The following DEPTOR variants were observed in gnomAD, a reference collection of about 807,000 sequenced individuals.
DEPTOR encodes DEP domain containing MTOR interacting protein.
A neutral mutation model predicts 41.6 loss-of-function variants in DEPTOR; 41 were observed. That is an observed-to-expected ratio of 0.98 (90% CI 0.77 to 1.28). The LOEUF is 1.28. DEPTOR is among the 50% of genes most tolerant of loss of function. DEPTOR has a pLI of 0.00. For missense variants in DEPTOR, 514 were observed against 527.9 expected (o/e 0.97, Z 0.26); for synonymous variants, 195 against 192.3 (o/e 1.01, Z -0.12).
chr8:119,956,601 C>G (rs1040446581), intron 3 of DEPTOR, among the ~76,000 whole-genome samples: 1 of 151,640 alleles, frequency 6.6e-6, no homozygotes, highest in Non-Finnish European at 1.5e-5. Flanking sequence ...GTGGTCAGAA[C>G]CAGGGATAAA....
chr8:119,920,082 A>T (rs1008286892), intron 1 of DEPTOR, among the ~76,000 whole-genome samples: 2 of 147,356 alleles, frequency 1.4e-5, no homozygotes, highest in African/African-American at 5.1e-5. Context: ...GTCTGAGATG[A>T]ATAATAGGAA....
chr8:120,049,814 A>C lies in DEPTOR; in HGVS notation c.*110A>C. ...GCAAATGGATGGTTTTGGACATACG[A>C]GTCTTCTCCGCACATACATGTCTAA... is the stretch of plus-strand genomic sequence containing the variant. On this transcript the variant is annotated 3_prime_UTR_variant, in exon 9 of 9. Transcript: ENST00000286234. 7.1e-7 allele frequency: 1 copy of C among 1,413,230 alleles called. No homozygotes were observed. Among genetic ancestry groups the C allele is most frequent in the Non-Finnish European group, 9.6e-7 (1 of 1,038,450 alleles). The allele number at this position is 1,413,230 out of a possible 1,614,324, so 87.5% of individuals were successfully genotyped here.
intron 4 of DEPTOR, among the ~76,000 whole-genome samples, chr8:119,978,153 C>T (rs146502467): frequency 6.6e-6 from 1 of 152,294 alleles, no homozygotes; most frequent in African/African-American, 2.4e-5. Flanking sequence ...GTATGAGGTC[C>T]TCACTTTGCC....
At chr8:120,021,757 A>C (rs904297247) in intron 8 of DEPTOR, among the ~76,000 whole-genome samples, 1 of 152,180 alleles carries the variant, frequency 6.6e-6, no homozygotes, top group African/African-American at 2.4e-5. Context: ...CATGGGGATA[A>C]ATAAAAAAGT....
intron 7 of DEPTOR, among the ~76,000 whole-genome samples, chr8:120,007,556 C>G (rs145841755): frequency 3.6e-4 from 55 of 152,292 alleles, no homozygotes; most frequent in African/African-American, 1.3e-3. Flanking sequence ...ACCCACTCCC[C>G]TTCCTGTGTC....
At chr8:119,906,900 A>G (rs1827670855) in intron 1 of DEPTOR, among the ~76,000 whole-genome samples, 1 of 152,198 alleles carries the variant, frequency 6.6e-6, no homozygotes, top group African/African-American at 2.4e-5. Flanking sequence ...GGCCAATAGT[A>G]TTCCTGTGCA....
chr8:120,009,410 C>G (rs1382845337), intron 8 of DEPTOR, among the ~76,000 whole-genome samples: 2 of 151,904 alleles, frequency 1.3e-5, no homozygotes, highest in Non-Finnish European at 2.9e-5. Context: ...GTCAGGAGTT[C>G]AAGACTAGCC....
At chr8:120,001,492 G>C in intron 4 of DEPTOR, 33 bp from the exon 5 acceptor site, 1 of 1,570,596 alleles carries the variant, frequency 6.4e-7, no homozygotes, top group Non-Finnish European at 8.6e-7. Context: ...ATGCCAGATA[G>C]TCCTCATTGG....
chr8:120,040,201 G>T (rs1217068219), intron 8 of DEPTOR, among the ~76,000 whole-genome samples: 1 of 152,190 alleles, frequency 6.6e-6, no homozygotes, highest in Non-Finnish European at 1.5e-5. Flanking sequence ...GCATGAGGCA[G>T]TTAATGCTCA....
chr8:120,002,776 CAAA>C (rs1173820465), intron 5 of DEPTOR, among the ~76,000 whole-genome samples, 198 bp from the exon 6 acceptor site: 2,160 of 54,422 alleles, frequency 0.04, 171 homozygotes, highest in African/African-American at 0.15. Context: ...GACTCCATCT[CAAA>C]AAAAAAAAAA....
At chr8:120,003,383 G>T (rs193116109) in intron 6 of DEPTOR, among the ~76,000 whole-genome samples, 14 of 152,270 alleles carry the variant, frequency 9.2e-5, no homozygotes, top group Non-Finnish European at 1.2e-4. Flanking sequence ...TTGTGTTGAG[G>T]GGGCTGGGCC....
intron 4 of DEPTOR, among the ~76,000 whole-genome samples, chr8:120,001,202 G>C (rs914086244): frequency 6.6e-6 from 1 of 152,110 alleles, no homozygotes; most frequent in Non-Finnish European, 1.5e-5. Context: ...GAAAGAGAAG[G>C]GGCAGACAGT....
chr8:120,027,167 G>A (rs1002676613), intron 8 of DEPTOR, among the ~76,000 whole-genome samples: 3 of 151,504 alleles, frequency 2.0e-5, no homozygotes, highest in South Asian at 2.1e-4. Flanking sequence ...GCGGTGAGCC[G>A]AGATTGTGCC....
intron 6 of DEPTOR, among the ~76,000 whole-genome samples, chr8:120,004,963 T>C (rs532198001): frequency 3.0e-4 from 45 of 152,264 alleles, no homozygotes; most frequent in Non-Finnish European, 3.2e-4. Flanking sequence ...CAAAAAACAG[T>C]ACTAAAGATA....
Position 119,873,823 on chromosome 8 carries a change from T to A in DEPTOR, c.-24T>A, listed in dbSNP as rs1285820081. 7 of 1,608,494 alleles carry A rather than the reference T, an allele frequency of 4.4e-6. No homozygotes were observed. Among genetic ancestry groups the A allele is most frequent in the Middle Eastern group, 1.7e-4 (1 of 5,734 alleles). ...AACCCTCGGCGGACAGCGGAGCCAG[T>A]GGTAGCCGCACGGCCCTAAAACCAT... is the stretch of plus-strand genomic sequence containing the variant. On this transcript the variant is annotated 5_prime_UTR_variant, in exon 1 of 9. Coordinates refer to ENST00000286234, the MANE Select transcript of DEPTOR (RefSeq NM_022783.4).
At position 120,017,354 on chromosome 8, in the gene DEPTOR, T is replaced by C. The variant is rs190953831; in HGVS notation, c.1101+8221T>C. ...CAGAGTTAGATTCAAATCTGATTTA[T>C]CTCCCCCAACACCCACATGCTTCCT... On this transcript the variant is annotated intron_variant, in intron 8 of 8. Transcript: ENST00000286234. Among the ~76,000 whole-genome samples, 197 of 152,258 alleles carry C rather than the reference T, an allele frequency of 1.3e-3. 2 individuals are homozygous for C. The highest frequency in any genetic ancestry group is 4.3e-3 in the African/African-American group (180 of 41,556).
intron 3 of DEPTOR, among the ~76,000 whole-genome samples, chr8:119,959,457 G>A (rs868687770): frequency 4.0e-5 from 6 of 151,744 alleles, no homozygotes; most frequent in Admixed American, 6.6e-5. Flanking sequence ...CACTGCGCCC[G>A]GCCACCTGTT....
chr8:119,961,356 C>T (rs148150716), intron 3 of DEPTOR, among the ~76,000 whole-genome samples: 5,398 of 143,510 alleles, frequency 0.038, 104 homozygotes, highest in African/African-American at 0.055. Context: ...GTAGAGGTTG[C>T]GGTGAGCTGA....
At chr8:119,967,376 G>A (rs1040872455) in intron 4 of DEPTOR, among the ~76,000 whole-genome samples, 3 of 151,448 alleles carry the variant, frequency 2.0e-5, no homozygotes, top group South Asian at 2.1e-4. Context: ...CACCATGCCC[G>A]GCTTGGAATG....
Sources: gnomAD v4.1 joint callset for allele counts (sites outside exome capture counted in the v4.1 genomes callset) on GRCh38, gnomAD v4.1.1 for gene constraint, MANE v1.5 for transcripts, NCBI Gene and HGNC (gene_info 2026-07-23, HGNC 2026-07-21) for gene names.